The following DCTN5 variants were observed in gnomAD, a reference collection of about 807,000 sequenced individuals.
The protein encoded by DCTN5 is dynactin 4.
In DCTN5, 14 loss-of-function variants were observed where a neutral mutation model predicts 23.5. The observed-to-expected ratio is 0.60, with a 90% CI of 0.39 to 0.93. The LOEUF is 0.93. Among genes scored for constraint, DCTN5 ranks in the 40% least tolerant of loss-of-function variants. The pLI, the probability that DCTN5 is intolerant of heterozygous loss-of-function variation, is 0.00. For missense variants in DCTN5, 156 were observed against 225.9 expected (o/e 0.69, Z 1.98); for synonymous variants, 67 against 79.6 (o/e 0.84, Z 0.84).
chr16:23,647,138 T>TTTTTTTTTTGTTTTTTTTTG (rs533811000), intron 2 of DCTN5, among the ~76,000 whole-genome samples: 1 of 143,866 alleles, frequency 7.0e-6, no homozygotes, highest in African/African-American at 2.8e-5. Flanking sequence ...TTTTCTGGTT[T>TTTTTTTTTTGTTTTTTTTTG]TTTTTTTTTT....
At chr16:23,646,351 T>C (rs1967458490) in intron 2 of DCTN5, among the ~76,000 whole-genome samples, 1 of 152,186 alleles carries the variant, frequency 6.6e-6, no homozygotes, top group African/African-American at 2.4e-5. Context: ...AGATATATGA[T>C]TTGCAAATGC....
intron 2 of DCTN5, chr16:23,657,582 T>G: frequency 3.2e-6 from 1 of 313,706 alleles, no homozygotes; most frequent in Non-Finnish European, 6.4e-6. Context: ...CTGGGATTAC[T>G]GCAGGTACTT....
In DCTN5 at chr16:23,668,898, C is replaced by T. The variant is rs1406575721; in HGVS notation, c.*1754C>T. The T allele has an allele frequency of 3.3e-5, 5 of 152,426 alleles. No homozygotes were observed. The highest frequency in any genetic ancestry group is 1.2e-4 in the African/African-American group (5 of 41,452). The allele number at this position is 152,426 out of a possible 1,614,324, so 9.4% of individuals were successfully genotyped here. A position where few individuals can be genotyped will look rare whatever the true frequency, so the allele number is the denominator to read the frequency against. ...GTCCTCTTGGATCAGTCACTGTGGCCATGCATGTTTGGCCACATGATTAAT... is the reference window on the plus strand; with the variant it reads ...GTCCTCTTGGATCAGTCACTGTGGCTATGCATGTTTGGCCACATGATTAAT... On this transcript the variant is annotated 3_prime_UTR_variant, in exon 6 of 6. Transcript: ENST00000300087.
At chr16:23,655,112 A>G (rs898344326) in intron 2 of DCTN5, among the ~76,000 whole-genome samples, 1 of 152,208 alleles carries the variant, frequency 6.6e-6, no homozygotes, top group African/African-American at 2.4e-5. Flanking sequence ...CACGCAGCAT[A>G]ATGTTTTTGA....
chr16:23,650,859 G>A lies in DCTN5; in HGVS notation c.118-7648G>A, dbSNP rs763454797. ...TCAGTAAGACTGAGTGTGAACAATA[G>A]AGAGTGGTGGGGCCTGGTGAATTGG... is the stretch of plus-strand genomic sequence containing the variant. On this transcript the variant is annotated intron_variant, in intron 2 of 5. Coordinates refer to ENST00000300087, the MANE Select transcript of DCTN5 (RefSeq NM_032486.4). The A allele has an allele frequency of 5.2e-5, 74 of 1,436,660 alleles. No individual in the cohort carries two copies. The African/African-American group carries it at 9.9e-4, about 19-fold the overall frequency. The allele number at this position is 1,436,660 out of a possible 1,614,324, so 89.0% of individuals were successfully genotyped here.
Position 23,673,675 on chromosome 16 carries a change from G to T in DCTN5, c.*6531G>T, listed in dbSNP as rs1175818568. The T allele has an allele frequency of 2.0e-5, 3 of 152,230 alleles. No individual in the cohort carries two copies. The highest frequency in any genetic ancestry group is 1.3e-4 in the Admixed American group (2 of 15,284). 9.4% of individuals were successfully genotyped at this position (152,230 alleles called of 1,614,324 possible). ...GCTACTCAAAAATAAAATATGAAAG[G>T]TGTTAGTGGGATACAGCTTTCTAGT... On this transcript the variant is annotated 3_prime_UTR_variant, in exon 6 of 6. Coordinates refer to ENST00000300087, the MANE Select transcript of DCTN5 (RefSeq NM_032486.4).
At chr16:23,648,180 G>C (rs1176234873) in intron 2 of DCTN5, among the ~76,000 whole-genome samples, 1 of 151,654 alleles carries the variant, frequency 6.6e-6, no homozygotes, top group East Asian at 1.9e-4. Flanking sequence ...TTTTGAGACA[G>C]GGTCTCACTT....
chr16:23,658,537 G>T lies in DCTN5; in HGVS notation c.148G>T (p.Gly50Trp), dbSNP rs1156620764. Reference protein sequence around the residue: ...TIVMNDCIIRGDLANVRVGRH... With the variant: ...TIVMNDCIIRWDLANVRVGRH... ...TGTGATGAATGACTGTATTATCCGA[G>T]GGGATCTGGCAAATGTAAGAGTTGG... Residue 50 changes from glycine to tryptophan, a missense_variant, in exon 3 of 6, where the codon GGG becomes TGG. Physicochemically the swap from Gly to Trp is radical, Grantham distance 184. This residue lies in a region of DCTN5 where 153 missense variants were observed against 206.8 expected (regional missense o/e 0.74). Coordinates refer to ENST00000300087, the MANE Select transcript of DCTN5 (RefSeq NM_032486.4). 3 of 1,614,178 alleles carry T rather than the reference G, an allele frequency of 1.9e-6. No homozygotes were observed. Among genetic ancestry groups the T allele is most frequent in the Non-Finnish European group, 2.5e-6 (3 of 1,180,004 alleles).
intron 1 of DCTN5, 122 bp from the exon 2 acceptor site, chr16:23,642,833 C>G (rs1967326314): frequency 1.9e-5 from 15 of 788,420 alleles, no homozygotes; most frequent in Non-Finnish European, 3.3e-5. Context: ...TGGACTCACT[C>G]CATTGTGGAC....
chr16:23,665,778 G>A, intron 5 of DCTN5, 50 bp downstream of exon 5: 1 of 1,488,074 alleles, frequency 6.7e-7, no homozygotes, highest in South Asian at 1.2e-5. Flanking sequence ...AAACTCAGTT[G>A]TATTTTCCAT....
In DCTN5 at chr16:23,667,119, A is replaced by C. The variant is rs543504408; in HGVS notation, c.524A>C (p.Lys175Thr). The change falls in exon 6 of 6, where the codon AAG becomes ACG. Residue 175 changes from lysine to threonine, a missense_variant. Physicochemically the swap from Lys to Thr is moderately conservative, Grantham distance 78 (BLOSUM62 -1). This residue lies in a region of DCTN5 where 3 missense variants were observed against 19.0 expected (regional missense o/e 0.16). Coordinates refer to ENST00000300087, the MANE Select transcript of DCTN5 (RefSeq NM_032486.4). ...GACGTCACCAAGAGCTACTACCAGA[A>C]GTTTTTGCCCCTGACGCAAGTCTAG... is the stretch of plus-strand genomic sequence containing the variant. ...MIDVTKSYYQ[K>T]FLPLTQV 6.2e-7 allele frequency: 1 copy of C among 1,612,878 alleles called. No homozygotes were observed. The highest frequency in any genetic ancestry group is 1.1e-5 in the South Asian group (1 of 91,008).
rs1967934258 is a variant in DCTN5 at position 23,667,813 on chromosome 16, A to T, written c.*669A>T. The T allele has an allele frequency of 6.6e-6, 1 of 152,270 alleles. No individual in the cohort carries two copies. Among genetic ancestry groups the T allele is most frequent in the African/African-American group, 2.4e-5 (1 of 41,462 alleles). 9.4% of individuals were successfully genotyped at this position (152,270 alleles called of 1,614,324 possible). ...CCTTTGGCTTTCACTAAAAGTGGGG[A>T]CCTCAGTATCCCAGATTGTAATTTT... On this transcript the variant is annotated 3_prime_UTR_variant, in exon 6 of 6. Transcript: ENST00000300087.
intron 2 of DCTN5, among the ~76,000 whole-genome samples, chr16:23,650,516 G>A (rs548504347): frequency 2.1e-5 from 3 of 143,946 alleles, no homozygotes; most frequent in African/African-American, 5.2e-5. Context: ...AGTAGAGACC[G>A]GGTTTCACCA....
intron 2 of DCTN5, among the ~76,000 whole-genome samples, chr16:23,647,232 A>G (rs957108918): frequency 2.0e-5 from 3 of 151,742 alleles, no homozygotes; most frequent in Non-Finnish European, 4.4e-5. Context: ...TCTCAGGTTC[A>G]AGTAATTCTC....
chr16:23,642,749 A>G, intron 1 of DCTN5: 1 of 549,830 alleles, frequency 1.8e-6, no homozygotes, highest in East Asian at 3.1e-5. Flanking sequence ...AGCCTCTCAA[A>G]GTGCTGAGAT....
At chr16:23,643,796 C>A (rs1967362103) in intron 2 of DCTN5, among the ~76,000 whole-genome samples, 1 of 152,032 alleles carries the variant, frequency 6.6e-6, no homozygotes, top group African/African-American at 2.4e-5. Flanking sequence ...AAAGTGGAAT[C>A]TGAAAGCCTG....
rs1466921464 is a variant in DCTN5 at position 23,673,234 on chromosome 16, A to G, written c.*6090A>G. The G allele has an allele frequency of 2.0e-5, 3 of 151,862 alleles. No individual in the cohort carries two copies. The highest frequency in any genetic ancestry group is 2.9e-5 in the Non-Finnish European group (2 of 67,978). The allele number at this position is 151,862 out of a possible 1,614,324, so 9.4% of individuals were successfully genotyped here. ...TATGAAAAGACATAAGAGAATTAGG[A>G]GGATTTTCTTTAATATATCATTTTT... On this transcript the variant is annotated 3_prime_UTR_variant, in exon 6 of 6. Coordinates refer to ENST00000300087, the MANE Select transcript of DCTN5 (RefSeq NM_032486.4).
intron 2 of DCTN5, among the ~76,000 whole-genome samples, chr16:23,647,708 A>G (rs1281138833): frequency 1.3e-5 from 2 of 151,538 alleles, no homozygotes; most frequent in Non-Finnish European, 2.9e-5. Flanking sequence ...GGGTTTTACC[A>G]TGTTGGCCAG....
chr16:23,651,020 G>A (rs1316733247), intron 2 of DCTN5: 2 of 1,405,990 alleles, frequency 1.4e-6, no homozygotes, highest in African/African-American at 1.4e-5. Context: ...AATGCAAGAT[G>A]TTCCACTACT....
Sources: allele counts gnomAD v4.1 joint callset (sites outside exome capture counted in the v4.1 genomes callset), GRCh38; gene constraint gnomAD v4.1.1; regional missense constraint gnomAD v4.1.1; transcripts MANE v1.5; gene names NCBI Gene and HGNC (gene_info 2026-07-23, HGNC 2026-07-21).